The following PYHIN1 variants were observed in gnomAD, a reference collection of about 807,000 sequenced individuals.
PYHIN1 encodes pyrin and HIN domain-containing protein 1.
Under a neutral mutation model 43.7 loss-of-function variants are expected in PYHIN1, and 32 were observed. The ratio of observed to expected loss-of-function variants is 0.73; its 90% CI spans 0.55 to 0.98. PYHIN1 has a LOEUF of 0.98. Ranked by LOEUF, PYHIN1 falls within the 50% of genes least tolerant of loss-of-function variation. The pLI is 0.00. For synonymous variants in PYHIN1, 205 were observed against 203.1 expected, an observed-to-expected ratio of 1.01 and a Z score of -0.08; for missense variants, 588 against 589.5, an observed-to-expected ratio of 1.00 and a Z score of 0.03.
chr1:158,960,575 T>G (rs1650262936), intron 7 of PYHIN1, among the ~76,000 whole-genome samples: 2 of 152,236 alleles, frequency 1.3e-5, no homozygotes, highest in Admixed American at 1.3e-4. Context: ...TACTTACTTA[T>G]GGCTCACTAG....
intron 2 of PYHIN1, among the ~76,000 whole-genome samples, chr1:158,937,550 C>T (rs1349172842): frequency 6.6e-6 from 1 of 152,192 alleles, no homozygotes; most frequent in African/African-American, 2.4e-5. Flanking sequence ...ATTCAACACA[C>T]CATCATCCTT....
the PYHIN1 span, among the ~76,000 whole-genome samples, chr1:158,984,592 A>G: frequency 2.0e-5 from 3 of 152,230 alleles, no homozygotes; most frequent in South Asian, 2.1e-4. Context: ...GGCACAGAGT[A>G]TGTGCCATGT....
At chr1:158,990,774 G>T in the PYHIN1 span, among the ~76,000 whole-genome samples, 1 of 152,002 alleles carries the variant, frequency 6.6e-6, no homozygotes, top group Non-Finnish European at 1.5e-5. Flanking sequence ...ATACAGTTTG[G>T]CTCTGTGTCC....
chr1:158,949,815 C>G (rs1463335830), intron 7 of PYHIN1, among the ~76,000 whole-genome samples: 1 of 152,106 alleles, frequency 6.6e-6, no homozygotes, highest in African/African-American at 2.4e-5. Flanking sequence ...CAAGTCTTTG[C>G]TATTGTGAGC....
At chr1:158,976,506 C>T (rs567404057) in intron 8 of PYHIN1, among the ~76,000 whole-genome samples, 195 bp from the exon 9 acceptor site, 2 of 151,910 alleles carry the variant, frequency 1.3e-5, no homozygotes, top group East Asian at 3.9e-4. Flanking sequence ...ATTTCATGGT[C>T]CCAACAGAGG....
At chr1:158,953,093 G>A (rs146790969) in intron 7 of PYHIN1, among the ~76,000 whole-genome samples, 2,443 of 152,262 alleles carry the variant, frequency 0.016, 66 homozygotes, top group African/African-American at 0.056. Flanking sequence ...ACCTGGCTCC[G>A]AGGGTCCTAC....
intron 1 of PYHIN1, among the ~76,000 whole-genome samples, chr1:158,935,788 G>T (rs1443801624): frequency 6.6e-6 from 1 of 152,104 alleles, no homozygotes; most frequent in Non-Finnish European, 1.5e-5. Context: ...AGAAACAACA[G>T]GCAGGTTTTG....
At chr1:158,970,825 TG>T (rs567856975) in intron 7 of PYHIN1, among the ~76,000 whole-genome samples, 19 of 152,148 alleles carry the variant, frequency 1.2e-4, no homozygotes, top group African/African-American at 4.1e-4. Flanking sequence ...TATTATAAAA[TG>T]TATAGCATAT....
chr1:158,942,482 A>T (rs761744146), intron 5 of PYHIN1, 83 bp downstream of exon 5: 1 of 1,118,984 alleles, frequency 8.9e-7, no homozygotes, highest in Non-Finnish European at 1.3e-6. Flanking sequence ...GGAAGTTTGC[A>T]TATTACTTAA....
intron 7 of PYHIN1, among the ~76,000 whole-genome samples, chr1:158,953,764 G>A (rs1453410298): frequency 5.3e-5 from 8 of 152,184 alleles, no homozygotes; most frequent in Admixed American, 2.6e-4. Context: ...TGACTTTGAC[G>A]AGCTGAGAAA....
At chr1:158,974,317 G>T (rs1651119611) in intron 8 of PYHIN1, among the ~76,000 whole-genome samples, 1 of 151,946 alleles carries the variant, frequency 6.6e-6, no homozygotes, top group Admixed American at 6.6e-5. Context: ...AACACATCAT[G>T]CCAAGGTGTC....
the PYHIN1 span, among the ~76,000 whole-genome samples, chr1:158,989,831 C>T: frequency 2.0e-5 from 3 of 152,144 alleles, no homozygotes; most frequent in African/African-American, 7.2e-5. Flanking sequence ...GGACCATCTT[C>T]CTTTTCATCA....
downstream of PYHIN1, among the ~76,000 whole-genome samples, chr1:158,977,800 C>G (rs901594074): frequency 6.6e-6 from 1 of 152,042 alleles, no homozygotes; most frequent in African/African-American, 2.4e-5. Context: ...CTTAGGTGGT[C>G]TTATATAGTC....
In PYHIN1 at chr1:158,936,938, C is replaced by T. The variant is rs1648583417; in HGVS notation, c.28C>T (p.Leu10=). Residue 10 remains leucine, a synonymous_variant, in exon 2 of 9, where the codon CTA becomes TTA. Coordinates refer to ENST00000368140, the MANE Select transcript of PYHIN1 (RefSeq NM_152501.5). MANNYKKIV[L]LKGLEVINDY... ...GGCAAATAACTACAAGAAAATTGTTCTACTGAAAGGATTAGAGGTCATCAA... is the reference window on the plus strand; with the variant it reads ...GGCAAATAACTACAAGAAAATTGTTTTACTGAAAGGATTAGAGGTCATCAA... 1 of 1,589,022 alleles carries T rather than the reference C, an allele frequency of 6.3e-7. No individual in the cohort carries two copies. Among genetic ancestry groups the T allele is most frequent in the Non-Finnish European group, 8.5e-7 (1 of 1,170,536 alleles).
chr1:158,988,890 GGATAACC>G, the PYHIN1 span, among the ~76,000 whole-genome samples: 4 of 152,290 alleles, frequency 2.6e-5, no homozygotes, highest in African/African-American at 9.6e-5. Context: ...CACTGGGGCT[GGATAACC>G]TCTTGCTAAA....
intron 7 of PYHIN1, among the ~76,000 whole-genome samples, chr1:158,952,540 T>C (rs1250775768): frequency 3.3e-5 from 5 of 152,100 alleles, no homozygotes; most frequent in Admixed American, 6.5e-5. Flanking sequence ...AAAACCTCCA[T>C]TCATCTTTGT....
At chr1:158,989,410 T>C in the PYHIN1 span, among the ~76,000 whole-genome samples, 31 of 152,306 alleles carry the variant, frequency 2.0e-4, no homozygotes, top group African/African-American at 7.2e-4. Context: ...GTTCCTCACT[T>C]CTCATACCTA....
Position 158,976,843 on chromosome 1 carries a change from T to TATGTATA in PYHIN1, c.*149_*155dup, listed in dbSNP as rs1345867115. ...TAAGATCAAAGCACAGAAAATAATA[T>TATGTATA]ATGTATATATATCTGGTTGAAATAC... On this transcript the variant is annotated 3_prime_UTR_variant, in exon 9 of 9. Coordinates refer to ENST00000368140, the MANE Select transcript of PYHIN1 (RefSeq NM_152501.5). The TATGTATA allele has an allele frequency of 6.0e-6, 2 of 332,740 alleles. No homozygotes were observed. The highest frequency in any genetic ancestry group is 5.4e-5 in the African/African-American group (2 of 37,148). The allele number at this position is 332,740 out of a possible 1,614,324, so 20.6% of individuals were successfully genotyped here.
rs971662411 is a variant in PYHIN1 at position 158,944,860 on chromosome 1, A to C, written c.1192-15A>C. The stretch of plus-strand genomic sequence containing the variant: ...AATATTAAAAAACATTAAACAAAAA[A>C]ATGAATACTTTCAGATACAGAAAAA... On this transcript the variant is annotated splice_polypyrimidine_tract_variant and intron_variant, in intron 6 of 8. Transcript: ENST00000368140. 24 of 1,529,064 alleles carry C rather than the reference A, an allele frequency of 1.6e-5. No homozygotes were observed. The highest frequency in any genetic ancestry group is 2.1e-5 in the Non-Finnish European group (24 of 1,139,142). 94.7% of individuals were successfully genotyped at this position (1,529,064 alleles called of 1,614,324 possible).
Sources: gnomAD v4.1 joint callset for allele counts (sites outside exome capture counted in the v4.1 genomes callset) on GRCh38, gnomAD v4.1.1 for gene constraint, MANE v1.5 for transcripts, NCBI Gene and HGNC (gene_info 2026-07-23, HGNC 2026-07-21) for gene names.